The following IRAG2 variants were observed in gnomAD, a reference collection of about 807,000 sequenced individuals.
IRAG2 encodes the protein lymphoid restricted membrane protein.
IRAG2 carries 45 observed loss-of-function variants against 69.9 expected under a neutral mutation model. The observed-to-expected ratio is 0.64, with a 90% CI of 0.51 to 0.83. The LOEUF is 0.83. Among genes scored for constraint, IRAG2 ranks in the 40% least tolerant of loss-of-function variants. The pLI, the probability that IRAG2 is intolerant of heterozygous loss-of-function variation, is 0.00. For missense variants in IRAG2, 520 were observed against 587.0 expected (o/e 0.89, Z 1.18); for synonymous variants, 193 against 202.4 (o/e 0.95, Z 0.40).
exon 5 of IRAG2, chr12:25,015,397 G>A: frequency 8.1e-7 from 1 of 1,231,976 alleles, no homozygotes; most frequent in Non-Finnish European, 1.0e-6. Flanking sequence ...GAGCTTCGAG[G>A]CTTTGGGAGG....
chr12:25,033,661 C>T, intron 12 of IRAG2: 1 of 380,666 alleles, frequency 2.6e-6, no homozygotes. Context: ...CTCCTAGACT[C>T]ACCAGTCTGT....
chr12:25,038,363 C>T (rs1287595969), intron 16 of IRAG2, among the ~76,000 whole-genome samples: 1 of 151,960 alleles, frequency 6.6e-6, no homozygotes, highest in African/African-American at 2.4e-5. Context: ...TGGAAACCAG[C>T]CAAGCGCGGT....
At chr12:25,041,039 T>A (rs1407021376) in intron 16 of IRAG2, among the ~76,000 whole-genome samples, 1 of 152,046 alleles carries the variant, frequency 6.6e-6, no homozygotes, top group East Asian at 1.9e-4. Flanking sequence ...TGAGGAGTGA[T>A]GAATTGAGTA....
At chr12:25,076,745 T>A (rs951163916) in intron 6 of IRAG2, 2 of 320,724 alleles carry the variant, frequency 6.2e-6, no homozygotes, top group African/African-American at 4.5e-5. Context: ...TTTATATGTG[T>A]TAGGATATTA....
At chr12:25,099,049 A>G (rs140833937) in intron 15 of IRAG2, among the ~76,000 whole-genome samples, 1 of 152,202 alleles carries the variant, frequency 6.6e-6, no homozygotes, top group Non-Finnish European at 1.5e-5. Context: ...GGACCTCTGA[A>G]TATTGAAGAG....
In IRAG2 at chr12:25,043,968, A is replaced by C. The variant is rs1034323216; in HGVS notation, c.2144+5831A>C. ...CAGAAGAAAATGCCTGTGCAAAGTAAGAATTTTAACAAAAAGAAAATACAA... is the reference window on the plus strand; with the variant it reads ...CAGAAGAAAATGCCTGTGCAAAGTACGAATTTTAACAAAAAGAAAATACAA... On this transcript the variant is annotated intron_variant, in intron 16 of 38. Transcript: ENST00000636465. 2.0e-5 allele frequency among the ~76,000 whole-genome samples: 3 copies of C among 152,344 alleles called. No individual in the cohort carries two copies. The East Asian group carries it at 5.8e-4, about 29-fold the overall frequency.
chr12:25,077,198 A>C (rs868141095), intron 6 of IRAG2, among the ~76,000 whole-genome samples: 1 of 63,540 alleles, frequency 1.6e-5, no homozygotes, highest in African/African-American at 4.3e-5. Flanking sequence ...ATATATATGA[A>C]ATATATATAT....
intron 17 of IRAG2, 109 bp downstream of exon 17, chr12:25,102,350 A>G: frequency 1.3e-6 from 1 of 785,652 alleles, no homozygotes; most frequent in Non-Finnish European, 2.1e-6. Flanking sequence ...AGTGATTTTA[A>G]TTCATATAGA....
chr12:25,001,890 C>T (rs1944394119), upstream of IRAG2, among the ~76,000 whole-genome samples: 3 of 152,050 alleles, frequency 2.0e-5, no homozygotes, highest in South Asian at 6.2e-4. Flanking sequence ...CTGCCTCAGC[C>T]TCCTGAGTAG....
chr12:25,051,002 G>A (rs985405794), upstream of IRAG2, among the ~76,000 whole-genome samples: 1 of 152,158 alleles, frequency 6.6e-6, no homozygotes, highest in Non-Finnish European at 1.5e-5. Context: ...TACTCAATAG[G>A]TATAAAGTTT....
chr12:25,063,611 G>T (rs1297890982), intron 3 of IRAG2, 109 bp from the exon 4 acceptor site: 1 of 397,398 alleles, frequency 2.5e-6, no homozygotes, highest in East Asian at 3.6e-5. Flanking sequence ...CTCTCACAGG[G>T]TCACTTGAGA....
Position 25,104,439 on chromosome 12 carries a change from T to C in IRAG2, c.1125T>C (p.Ala375=). Residue 375 remains alanine (A), a synonymous_variant, in exon 20 of 22, where the codon GCT becomes GCC. Coordinates refer to ENST00000556887, the MANE Select transcript of IRAG2 (RefSeq NM_001366544.2). ...TTAGCACCTATTCCTGGGCAGATGC[T>C]GAAGAAGAAAAATGTGAACTAAAGT... ...RFISTYSWAD[A]EEEKCELKTK... is the part of the protein sequence containing the mutation. The C allele has an allele frequency of 1.9e-6, 3 of 1,611,554 alleles. No individual in the cohort carries two copies. Among genetic ancestry groups the C allele is most frequent in the Non-Finnish European group, 2.5e-6 (3 of 1,177,728 alleles).
intron 2 of IRAG2, among the ~76,000 whole-genome samples, chr12:25,010,231 C>G (rs557786210): frequency 6.6e-6 from 1 of 152,310 alleles, no homozygotes; most frequent in South Asian, 2.1e-4. Context: ...AATCTCAGCA[C>G]TTTGGGAGGC....
At chr12:25,001,279 A>C (rs926673634), upstream of IRAG2, among the ~76,000 whole-genome samples, 4 of 151,572 alleles carry the variant, frequency 2.6e-5, no homozygotes, top group African/African-American at 9.7e-5. Flanking sequence ...CTAAAAGTAC[A>C]AAAAAAATTA....
Position 25,099,580 on chromosome 12 carries a change from C to T in IRAG2, c.742-1598C>T, listed in dbSNP as rs559991996. Among the ~76,000 whole-genome samples the T allele has an allele frequency of 4.6e-5, 7 of 152,260 alleles. No homozygotes were observed. In the South Asian group the frequency reaches 1.5e-3, roughly 32 times the overall value. Reference sequence around the variant, plus strand: ...TCCATCCAATTCCAATCCCTCCTCCCAACATAGTCTGTTCTTAATAAAGGA... The same window carrying T: ...TCCATCCAATTCCAATCCCTCCTCCTAACATAGTCTGTTCTTAATAAAGGA... On this transcript the variant is annotated intron_variant, in intron 15 of 21. Coordinates refer to ENST00000556887, the MANE Select transcript of IRAG2 (RefSeq NM_001366544.2).
chr12:25,004,831 G>C, exon 1 of IRAG2: 1 of 1,232,044 alleles, frequency 8.1e-7, no homozygotes. Context: ...CTTAACACTT[G>C]ACTTTGATTC....
chr12:25,073,320 C>A (rs1592006239), intron 6 of IRAG2, among the ~76,000 whole-genome samples: 1 of 152,184 alleles, frequency 6.6e-6, no homozygotes, highest in South Asian at 2.1e-4. Flanking sequence ...GCATGTAGCA[C>A]CCTGCATAGG....
chr12:25,017,829 AC>A (rs1944543834), intron 6 of IRAG2, among the ~76,000 whole-genome samples: 1 of 152,124 alleles, frequency 6.6e-6, no homozygotes, highest in African/African-American at 2.4e-5. Flanking sequence ...CTCCATACTT[AC>A]CAGCAGGCAT....
At chr12:25,014,253 G>A (rs902550964) in intron 3 of IRAG2, among the ~76,000 whole-genome samples, 1 of 151,910 alleles carries the variant, frequency 6.6e-6, no homozygotes, top group Non-Finnish European at 1.5e-5. Context: ...TTATAAAACA[G>A]CATGAAGACA....
Sources: allele counts gnomAD v4.1 joint callset (sites outside exome capture counted in the v4.1 genomes callset), GRCh38; gene constraint gnomAD v4.1.1; transcripts MANE v1.5; gene names NCBI Gene and HGNC (gene_info 2026-07-23, HGNC 2026-07-21).